The following PPFIA2 variants were observed in gnomAD, a reference collection of about 807,000 sequenced individuals.
The protein encoded by PPFIA2 is liprin-alpha-2.
PPFIA2 carries 46 observed loss-of-function variants against 175.5 expected under a neutral mutation model. The observed-to-expected ratio is 0.26, with a 90% CI of 0.21 to 0.34. PPFIA2 has a LOEUF of 0.34. Ranked by LOEUF, PPFIA2 falls within the 10% of genes least tolerant of loss-of-function variation. The probability of loss-of-function intolerance (pLI) is 1.00; values close to 1 mark genes in which losing one functional copy is unlikely to be tolerated. For synonymous variants in PPFIA2, 568 were observed against 511.4 expected, an observed-to-expected ratio of 1.11 and a Z score of -1.49; for missense variants, 1,179 against 1,506.1, an observed-to-expected ratio of 0.78 and a Z score of 3.60.
chr12:81,359,483 C>T (rs958908918), intron 15 of PPFIA2, among the ~76,000 whole-genome samples: 2 of 151,556 alleles, frequency 1.3e-5, no homozygotes, highest in Non-Finnish European at 2.9e-5. Context: ...TCATAAAGGA[C>T]ACAACTCTGT....
intron 22 of PPFIA2, 124 bp downstream of exon 22, chr12:81,325,653 T>C (rs2054601512): frequency 1.1e-5 from 7 of 634,474 alleles, no homozygotes; most frequent in Non-Finnish European, 2.7e-6. Flanking sequence ...TTTTAGGTAG[T>C]ATCTGGAAAA....
At chr12:81,439,867 TG>T (rs1253431372) in intron 7 of PPFIA2, 104 bp downstream of exon 7, 1 of 950,588 alleles carries the variant, frequency 1.1e-6, no homozygotes, top group African/African-American at 1.7e-5. Context: ...ATAGACAGAA[TG>T]TAATTTATTT....
chr12:81,714,163 T>C (rs2078294006), intron 3 of PPFIA2, among the ~76,000 whole-genome samples: 1 of 151,064 alleles, frequency 6.6e-6, no homozygotes, highest in Non-Finnish European at 1.5e-5. Flanking sequence ...AAATGGTAAA[T>C]ATGTATAGAA....
intron 22 of PPFIA2, among the ~76,000 whole-genome samples, chr12:81,300,532 C>T (rs1245545574): frequency 6.6e-6 from 1 of 152,014 alleles, no homozygotes; most frequent in East Asian, 1.9e-4. Context: ...ACCAAAAATT[C>T]ATTAAAAAAG....
At chr12:81,387,164 G>A (rs968088869) in intron 8 of PPFIA2, among the ~76,000 whole-genome samples, 9 of 151,070 alleles carry the variant, frequency 6.0e-5, no homozygotes, top group African/African-American at 1.2e-4. Flanking sequence ...GCTCTTTCTC[G>A]GGGAAAAAAA....
At chr12:81,277,440 AAC>A in intron 27 of PPFIA2, 26 bp from the exon 28 acceptor site, 1 of 1,487,784 alleles carries the variant, frequency 6.7e-7, no homozygotes, top group East Asian at 2.5e-5. Flanking sequence ...AAAAAAAAAA[AAC>A]ACAGTGAGTC....
chr12:81,414,272 G>A (rs1289269078), intron 7 of PPFIA2, among the ~76,000 whole-genome samples: 1 of 151,552 alleles, frequency 6.6e-6, no homozygotes, highest in Non-Finnish European at 1.5e-5. Context: ...ACAAGTTTGT[G>A]GTCTGATTGC....
At chr12:81,578,656 T>C (rs942601428) in intron 4 of PPFIA2, among the ~76,000 whole-genome samples, 1 of 151,870 alleles carries the variant, frequency 6.6e-6, no homozygotes, top group African/African-American at 2.4e-5. Context: ...TCATTTCCAA[T>C]CTTTATAACA....
At chr12:81,322,375 T>C (rs909075894) in intron 22 of PPFIA2, among the ~76,000 whole-genome samples, 7 of 152,098 alleles carry the variant, frequency 4.6e-5, no homozygotes, top group Non-Finnish European at 8.8e-5. Flanking sequence ...ATGGATAAGA[T>C]CTCAGAGAGT....
At chr12:81,339,771 C>T (rs1476021207) in intron 20 of PPFIA2, among the ~76,000 whole-genome samples, 19 of 152,056 alleles carry the variant, frequency 1.2e-4, no homozygotes, top group Non-Finnish European at 2.9e-5. Flanking sequence ...TTCTAATCTA[C>T]AGTTTTACTT....
At chr12:81,369,029 T>G (rs2034363795) in intron 12 of PPFIA2, 82 bp downstream of exon 12, 2 of 1,307,180 alleles carry the variant, frequency 1.5e-6, no homozygotes, top group East Asian at 2.4e-5. Context: ...TAACCCATAC[T>G]CAGTTAAAGG....
intron 4 of PPFIA2, among the ~76,000 whole-genome samples, chr12:81,622,371 A>G (rs1567608762): frequency 6.6e-6 from 1 of 152,196 alleles, no homozygotes; most frequent in Non-Finnish European, 1.5e-5. Flanking sequence ...AAGGAAAATG[A>G]TATAGCTTCC....
At chr12:81,655,262 T>A (rs2067605789) in intron 4 of PPFIA2, among the ~76,000 whole-genome samples, 1 of 151,876 alleles carries the variant, frequency 6.6e-6, no homozygotes, top group Non-Finnish European at 1.5e-5. Context: ...ACTTTTGCCT[T>A]TATCCTCTAT....
intron 3 of PPFIA2, among the ~76,000 whole-genome samples, chr12:81,681,185 T>C (rs1247158094): frequency 2.0e-5 from 3 of 151,994 alleles, no homozygotes; most frequent in Non-Finnish European, 2.9e-5. Flanking sequence ...ATCATATGAA[T>C]TTTTATCATC....
intron 5 of PPFIA2, among the ~76,000 whole-genome samples, chr12:81,450,982 G>T (rs896417665): frequency 2.6e-5 from 4 of 151,996 alleles, no homozygotes; most frequent in Non-Finnish European, 4.4e-5. Context: ...TTCTTTCTTG[G>T]AATAGCTATG....
At chr12:81,570,444 G>C (rs1312466880) in intron 4 of PPFIA2, among the ~76,000 whole-genome samples, 1 of 152,084 alleles carries the variant, frequency 6.6e-6, no homozygotes, top group Non-Finnish European at 1.5e-5. Context: ...ATGTGTTTGG[G>C]CGAGGTGATG....
chr12:81,314,214 A>G (rs1324661832), intron 22 of PPFIA2, among the ~76,000 whole-genome samples: 2 of 151,954 alleles, frequency 1.3e-5, no homozygotes, highest in Non-Finnish European at 2.9e-5. Context: ...GTGCTAATAT[A>G]TTATAAACTT....
chr12:81,356,319 T>C (rs1464878721), intron 16 of PPFIA2, among the ~76,000 whole-genome samples: 1 of 152,144 alleles, frequency 6.6e-6, no homozygotes, highest in Non-Finnish European at 1.5e-5. Context: ...CAAAGATCAC[T>C]GTTCACAGAT....
At chr12:81,301,531 CAG>C (rs761563891) in intron 22 of PPFIA2, among the ~76,000 whole-genome samples, 31 of 152,170 alleles carry the variant, frequency 2.0e-4, no homozygotes, top group Non-Finnish European at 3.5e-4. Flanking sequence ...CTAGAAAGGC[CAG>C]AGTGATCCTT....
Sources: gnomAD v4.1 joint callset for allele counts (sites outside exome capture counted in the v4.1 genomes callset) on GRCh38, gnomAD v4.1.1 for gene constraint, MANE v1.5 for transcripts, NCBI Gene and HGNC (gene_info 2026-07-23, HGNC 2026-07-21) for gene names.